Variants in NPIPB12 observed in about 807,000 individuals in gnomAD.
NPIPB12 encodes nuclear pore complex-interacting protein family member B12.
intron 4 of NPIPB12, among the ~76,000 whole-genome samples, chr16:29,490,764 T>G: frequency 1.7e-5 from 1 of 60,016 alleles, no homozygotes; most frequent in Non-Finnish European, 3.1e-5. Context: ...TGGTCAAATG[T>G]GGTGGCACAC....
intron 2 of NPIPB12, among the ~76,000 whole-genome samples, chr16:29,493,058 CTTCA>C (rs1965109876): frequency 3.5e-5 from 1 of 28,538 alleles, no homozygotes; most frequent in Non-Finnish European, 6.5e-5. Context: ...CTCACATCAG[CTTCA>C]TTGAGGCTGG....
At chr16:29,497,124 CTT>C (rs1965142106) in intron 1 of NPIPB12, among the ~76,000 whole-genome samples, 1 of 88,180 alleles carries the variant, frequency 1.1e-5, no homozygotes, top group Non-Finnish European at 2.4e-5. Context: ...TTATATGAAT[CTT>C]TGTCATTTAA....
At chr16:29,498,042 T>TATCATTGAAAAA (rs1324293142) in intron 1 of NPIPB12, among the ~76,000 whole-genome samples, 1 of 69,570 alleles carries the variant, frequency 1.4e-5, no homozygotes, top group African/African-American at 5.5e-5. Flanking sequence ...GGTTCACGCC[T>TATCATTGAAAAA]GTAATCCCAA....
upstream of NPIPB12, among the ~76,000 whole-genome samples, chr16:29,501,950 T>C (rs1965199609): frequency 3.8e-5 from 1 of 26,388 alleles, no homozygotes; most frequent in African/African-American, 1.1e-4. Context: ...GAAGTCAGAT[T>C]AGAGCAAAAG....
intron 2 of NPIPB12, among the ~76,000 whole-genome samples, chr16:29,504,558 A>T (rs1344223558): frequency 1.4e-5 from 2 of 147,082 alleles, no homozygotes; most frequent in African/African-American, 5.0e-5. Flanking sequence ...GTGTGTGTGT[A>T]TCTATATAAA....
chr16:29,504,514 ATGTGTG>A (rs375593232), intron 2 of NPIPB12, among the ~76,000 whole-genome samples: 9,225 of 137,062 alleles, frequency 0.067, 65 homozygotes, highest in Non-Finnish European at 0.088. Context: ...CAAAAAATAT[ATGTGTG>A]TGTGTGTGTG....
rs991354666 is a variant in NPIPB12, at chr16:29,495,106, A to T, written c.204+373T>A. ...CTGTTGTCAGCTCATTTCTGCAGTG[A>T]ATCTTCAGAGAAGAGATTGGAAGCT... is the stretch of plus-strand genomic sequence containing the variant. On this transcript the variant is annotated intron_variant, in intron 2 of 5. Transcript: ENST00000617311. 1.6e-5 allele frequency among the ~76,000 whole-genome samples: 2 copies of T among 122,932 alleles called. 1 individual carries two copies. Among genetic ancestry groups the T allele is most frequent in the African/African-American group, 5.4e-5 (2 of 36,932 alleles). The allele number at this position is 122,932 out of a possible 152,430, so 80.6% of individuals were successfully genotyped here.
intron 4 of NPIPB12, among the ~76,000 whole-genome samples, chr16:29,490,886 G>A (rs1386467321): frequency 1.4e-3 from 122 of 86,082 alleles, no homozygotes; most frequent in East Asian, 9.9e-3. Context: ...GCGACAGAGC[G>A]AGACTCTATC....
intron 1 of NPIPB12, among the ~76,000 whole-genome samples, chr16:29,498,331 T>TAAATAAAG (rs1965165845): frequency 6.8e-6 from 1 of 147,980 alleles, no homozygotes; most frequent in Non-Finnish European, 1.5e-5. Context: ...AATAAATAAA[T>TAAATAAAG]AAATAAAATA....
upstream of NPIPB12, among the ~76,000 whole-genome samples, chr16:29,501,112 T>A (rs1457849729): frequency 1.9e-5 from 1 of 52,692 alleles, no homozygotes; most frequent in Admixed American, 1.9e-4. Context: ...CAGGAAATAT[T>A]CTATTGATGC....
chr16:29,490,904 TAAAAAAAAA>T (rs1156982100), intron 4 of NPIPB12, among the ~76,000 whole-genome samples: 3 of 56,696 alleles, frequency 5.3e-5, no homozygotes, highest in African/African-American at 8.7e-5. Context: ...ATCTCAAAAT[TAAAAAAAAA>T]AAAAAAAAAA....
upstream of NPIPB12, among the ~76,000 whole-genome samples, chr16:29,501,913 AAAG>A (rs1965199013): frequency 2.1e-5 from 1 of 47,236 alleles, no homozygotes; most frequent in African/African-American, 6.6e-5. Flanking sequence ...GGTGGTTGTA[AAAG>A]GAGAGACCAA....
chr16:29,490,463 G>A (rs1163332262), intron 4 of NPIPB12, among the ~76,000 whole-genome samples: 12 of 149,312 alleles, frequency 8.0e-5, no homozygotes, highest in Admixed American at 2.0e-4. Context: ...GGCCGGGCAC[G>A]GTGGCTCACG....
upstream of NPIPB12, among the ~76,000 whole-genome samples, chr16:29,501,173 A>C (rs1456854276): frequency 4.0e-5 from 3 of 74,642 alleles, 1 homozygote; most frequent in Non-Finnish European, 7.0e-5. Context: ...CAACCCTAAG[A>C]AGCAAGCAAA....
intron 2 of NPIPB12, among the ~76,000 whole-genome samples, chr16:29,492,512 A>C (rs4017000): frequency 0.017 from 705 of 42,690 alleles, 1 homozygote; most frequent in African/African-American, 0.065. Flanking sequence ...AAAAAAAAAA[A>C]AGGCCAGATG....
chr16:29,498,354 A>G (rs1359412276), intron 1 of NPIPB12, among the ~76,000 whole-genome samples: 1 of 147,226 alleles, frequency 6.8e-6, no homozygotes, highest in Non-Finnish European at 1.5e-5. Context: ...GTAGATCTTG[A>G]AAGGGGGTTG....
At chr16:29,504,509 A>T (rs1330939777) in intron 2 of NPIPB12, among the ~76,000 whole-genome samples, 1 of 107,532 alleles carries the variant, frequency 9.3e-6, no homozygotes, top group Non-Finnish European at 2.0e-5. Flanking sequence ...TGTCTCAAAA[A>T]ATATATGTGT....
chr16:29,492,564 G>C (rs1285666978), intron 2 of NPIPB12, among the ~76,000 whole-genome samples: 3,639 of 85,672 alleles, frequency 0.042, 7 homozygotes, highest in Non-Finnish European at 0.057. Flanking sequence ...GGGAGGCCGA[G>C]GCGGGTGAAT....
chr16:29,492,774 C>A (rs1965104637), intron 2 of NPIPB12, among the ~76,000 whole-genome samples: 1 of 130,850 alleles, frequency 7.6e-6, no homozygotes, highest in Non-Finnish European at 1.6e-5. Flanking sequence ...AGCCTGGTGA[C>A]AGAGTGAGAC....
Sources: gnomAD v4.1 joint callset for allele counts (sites outside exome capture counted in the v4.1 genomes callset) on GRCh38, gnomAD v4.1.1 for gene constraint, MANE v1.5 for transcripts, NCBI Gene and HGNC (gene_info 2026-07-23, HGNC 2026-07-21) for gene names.